AKAP19: variants seen among roughly 807,000 people sequenced by gnomAD.
The protein encoded by AKAP19 is A-kinase anchoring protein 19, also known as small A-kinase anchoring protein.
the AKAP19 span, among the ~76,000 whole-genome samples, chr2:190,125,355 A>G: frequency 2.2e-4 from 33 of 152,286 alleles, 1 homozygote; most frequent in South Asian, 2.5e-3. Context: ...TCTATGTCCA[A>G]TTGGTTCTGT....
chr2:190,186,312 C>T, the AKAP19 span, among the ~76,000 whole-genome samples: 1 of 152,164 alleles, frequency 6.6e-6, no homozygotes, highest in Non-Finnish European at 1.5e-5. This position sits in a 1 kb window ranked among gnomAD's most constrained non-coding sequence, Gnocchi z 5.5. Context: ...TCATACCATA[C>T]CGCTTTATTC....
the AKAP19 span, among the ~76,000 whole-genome samples, chr2:189,883,706 C>G: frequency 6.6e-6 from 1 of 152,186 alleles, no homozygotes; most frequent in African/African-American, 2.4e-5. Flanking sequence ...ACTCCTTCAT[C>G]TCTATCTCCT....
At chr2:190,005,320 G>A in the AKAP19 span, among the ~76,000 whole-genome samples, 2 of 152,328 alleles carry the variant, frequency 1.3e-5, no homozygotes, top group South Asian at 2.1e-4. Flanking sequence ...TTTACAGAGT[G>A]CTGATTGGTC....
chr2:189,942,472 G>A, the AKAP19 span, among the ~76,000 whole-genome samples: 1 of 152,088 alleles, frequency 6.6e-6, no homozygotes, highest in Non-Finnish European at 1.5e-5. Flanking sequence ...CTTTATAGCA[G>A]AACAGCCTAA....
the AKAP19 span, among the ~76,000 whole-genome samples, chr2:190,177,833 T>G: frequency 1.3e-5 from 2 of 152,220 alleles, no homozygotes; most frequent in African/African-American, 4.8e-5. This position sits in a 1 kb window ranked among gnomAD's most constrained non-coding sequence, Gnocchi z 4.6. Flanking sequence ...AGCTCAGTAT[T>G]TGTTTCCTGT....
chr2:190,199,770 T>A, the AKAP19 span: 1 of 1,547,236 alleles, frequency 6.5e-7, no homozygotes, highest in Non-Finnish European at 8.7e-7. Flanking sequence ...AAAGCACTGG[T>A]CAACATCACA....
chr2:190,171,233 TA>T, the AKAP19 span, among the ~76,000 whole-genome samples: 42,670 of 147,034 alleles, frequency 0.29, 6,054 homozygotes, highest in Admixed American at 0.33. Context: ...GAAAAAAAGT[TA>T]AAAAAAAAAA....
the AKAP19 span, among the ~76,000 whole-genome samples, chr2:190,153,236 A>G: frequency 6.6e-6 from 1 of 152,200 alleles, no homozygotes; most frequent in Admixed American, 6.5e-5. Flanking sequence ...ATATATGAAG[A>G]CTATTAATTT....
At chr2:189,915,355 T>C in the AKAP19 span, among the ~76,000 whole-genome samples, 244 of 152,304 alleles carry the variant, frequency 1.6e-3, no homozygotes, top group African/African-American at 5.8e-3. Context: ...CCAGGCAATA[T>C]CAGTTATTAT....
At chr2:190,015,782 C>T in the AKAP19 span, among the ~76,000 whole-genome samples, 2 of 152,214 alleles carry the variant, frequency 1.3e-5, no homozygotes, top group Non-Finnish European at 2.9e-5. Context: ...TCAAAATCAA[C>T]TAGATCACCT....
At chr2:190,072,751 C>T in the AKAP19 span, among the ~76,000 whole-genome samples, 1 of 152,060 alleles carries the variant, frequency 6.6e-6, no homozygotes, top group African/African-American at 2.4e-5. Context: ...TTGTTTAAAA[C>T]AACTTTTGGT....
the AKAP19 span, among the ~76,000 whole-genome samples, chr2:190,031,127 AG>A: frequency 6.6e-6 from 1 of 152,210 alleles, no homozygotes; most frequent in East Asian, 1.9e-4. Context: ...AGGTGACAGG[AG>A]GATGGGTACT....
the AKAP19 span, among the ~76,000 whole-genome samples, chr2:190,144,482 A>G: frequency 0.91 from 138,609 of 152,130 alleles, 64,061 homozygotes; most frequent in East Asian, 1. Flanking sequence ...AAATATGTTA[A>G]AAAACACATA....
At chr2:189,942,989 C>T in the AKAP19 span, among the ~76,000 whole-genome samples, 1 of 152,186 alleles carries the variant, frequency 6.6e-6, no homozygotes, top group African/African-American at 2.4e-5. Flanking sequence ...GAAAAATTTG[C>T]ATGCTGGCCC....
chr2:189,890,975 T>C, the AKAP19 span, among the ~76,000 whole-genome samples: 1 of 152,170 alleles, frequency 6.6e-6, no homozygotes, highest in Non-Finnish European at 1.5e-5. Flanking sequence ...GCTGGTTATT[T>C]TCCCCGTTAG....
the AKAP19 span, among the ~76,000 whole-genome samples, chr2:190,016,926 A>G: frequency 8.5e-5 from 13 of 152,086 alleles, no homozygotes; most frequent in African/African-American, 2.4e-4. Flanking sequence ...CTCTCCTTTC[A>G]CATATATTAA....
At chr2:189,978,297 T>C in the AKAP19 span, among the ~76,000 whole-genome samples, 1 of 152,176 alleles carries the variant, frequency 6.6e-6, no homozygotes, top group Non-Finnish European at 1.5e-5. Flanking sequence ...TTTATGTTCC[T>C]GTGTACACAT....
chr2:190,050,292 G>A, the AKAP19 span, among the ~76,000 whole-genome samples: 1 of 152,182 alleles, frequency 6.6e-6, no homozygotes, highest in Non-Finnish European at 1.5e-5. Context: ...CTGACATGCA[G>A]CTATTTGTTA....
chr2:190,200,393 T>C, the AKAP19 span: 1 of 425,378 alleles, frequency 2.4e-6, no homozygotes, highest in Non-Finnish European at 4.4e-6. Flanking sequence ...TGACACCCAA[T>C]AATCAGCTGA....
Sources: gnomAD v4.1 joint callset for allele counts (sites outside exome capture counted in the v4.1 genomes callset) on GRCh38, gnomAD v4.1.1 for gene constraint, Gnocchi (gnomAD v3.1) non-coding constraint, MANE v1.5 for transcripts, NCBI Gene and HGNC (gene_info 2026-07-23, HGNC 2026-07-21) for gene names.